Variants in DEFB112 observed in about 807,000 individuals in gnomAD.
DEFB112 encodes defensin beta 112.
Under a neutral mutation model 1.1 loss-of-function variants are expected in DEFB112, and 2 were observed. The ratio of observed to expected loss-of-function variants is 1.85; its 90% CI spans 0.76 to 5.83. DEFB112 has a LOEUF of 5.83. DEFB112 is among the 30% of genes most tolerant of loss of function. The pLI, the probability that DEFB112 is intolerant of heterozygous loss-of-function variation, is 0.05. For synonymous variants in DEFB112, 40 were observed against 31.2 expected, an observed-to-expected ratio of 1.28 and a Z score of -0.93; for missense variants, 120 against 94.4, an observed-to-expected ratio of 1.27 and a Z score of -1.12.
chr6:50,046,617 A>G (rs1316504962), intron 1 of DEFB112, among the ~76,000 whole-genome samples: 5 of 152,094 alleles, frequency 3.3e-5, no homozygotes, highest in Non-Finnish European at 5.9e-5. Flanking sequence ...CACTCTTTCA[A>G]GTGGCTTAGG....
chr6:50,045,544 T>C (rs543670668), intron 1 of DEFB112, among the ~76,000 whole-genome samples: 34 of 152,220 alleles, frequency 2.2e-4, no homozygotes, highest in African/African-American at 8.2e-4. Context: ...TACACACAAA[T>C]ATATATATAC....
chr6:50,044,714 T>G (rs1278601817), intron 1 of DEFB112, among the ~76,000 whole-genome samples: 1 of 152,016 alleles, frequency 6.6e-6, no homozygotes, highest in Non-Finnish European at 1.5e-5. Flanking sequence ...TAATAAAAAT[T>G]CTGGAGGAGA....
intron 1 of DEFB112, among the ~76,000 whole-genome samples, chr6:50,047,379 C>T (rs778478241): frequency 1.3e-5 from 2 of 152,180 alleles, no homozygotes; most frequent in African/African-American, 2.4e-5. Flanking sequence ...ATGGTCATTT[C>T]CCTCTCTTTC....
rs1385009069 is a variant in DEFB112 at position 50,042,188 on chromosome 6, G to A, written c.*1387C>T. 6.6e-6 allele frequency among the ~76,000 whole-genome samples: 1 copy of A among 151,988 alleles called. No individual in the cohort carries two copies. Among genetic ancestry groups the A allele is most frequent in the Non-Finnish European group, 1.5e-5 (1 of 67,948 alleles). ...ATAGGTATACTGTGAGACCCCTGAA[G>A]TGGGGTTCAGAGTTTGGATCATAAA... On this transcript the variant is annotated 3_prime_UTR_variant, in exon 2 of 2. Coordinates refer to ENST00000651554, the MANE Select transcript of DEFB112 (RefSeq NM_001369057.2).
rs2113955873 is a variant in DEFB112, at chr6:50,042,948, A to T, written c.*627T>A. On this transcript the variant is annotated 3_prime_UTR_variant, in exon 2 of 2. Transcript: ENST00000651554. ...AAAGCAAAACAAAACAAAAAAGTTA[A>T]TCATAATTTCACATTATCGTTATTG... 6.6e-6 allele frequency among the ~76,000 whole-genome samples: 1 copy of T among 152,210 alleles called. No individual in the cohort carries two copies. The highest frequency in any genetic ancestry group is 1.9e-4 in the East Asian group (1 of 5,178).
At chr6:50,049,524 T>C (rs907936863) in intron 1 of DEFB112, among the ~76,000 whole-genome samples, 1 of 152,094 alleles carries the variant, frequency 6.6e-6, no homozygotes, top group Non-Finnish European at 1.5e-5. Flanking sequence ...AATACACATT[T>C]CATGGATCTG....
At chr6:50,046,221 C>CTGTG (rs3057286) in intron 1 of DEFB112, among the ~76,000 whole-genome samples, 57,129 of 140,934 alleles carry the variant, frequency 0.41, 11,712 homozygotes, top group East Asian at 0.52. Flanking sequence ...TTGAGGAGCA[C>CTGTG]TGTGTGTGTG....
chr6:50,047,460 A>G (rs1200526925), intron 1 of DEFB112, among the ~76,000 whole-genome samples: 3 of 152,130 alleles, frequency 2.0e-5, no homozygotes, highest in African/African-American at 7.2e-5. Flanking sequence ...GAGCAATGTG[A>G]CACTATCTTT....
chr6:50,048,406 T>C (rs898182192), intron 1 of DEFB112: 90 of 784,926 alleles, frequency 1.1e-4, no homozygotes, highest in South Asian at 6.8e-4. Flanking sequence ...CATAAAGCTA[T>C]GAGGTGAAAG....
chr6:50,044,741 A>G (rs1240454970), intron 1 of DEFB112, among the ~76,000 whole-genome samples: 1 of 152,090 alleles, frequency 6.6e-6, no homozygotes. Flanking sequence ...TAGGAAGTAC[A>G]TATCTACCAT....
intron 1 of DEFB112, among the ~76,000 whole-genome samples, chr6:50,045,987 T>C (rs1387240694): frequency 1.3e-5 from 2 of 152,160 alleles, no homozygotes; most frequent in East Asian, 1.9e-4. Flanking sequence ...ATGCTTTTAG[T>C]ACATTATCAA....
rs932941623 is a variant in DEFB112 at position 50,042,577 on chromosome 6, G to A, written c.*998C>T. Among the ~76,000 whole-genome samples, 3 of 151,988 alleles carry A rather than the reference G, an allele frequency of 2.0e-5. No individual in the cohort carries two copies. The highest frequency in any genetic ancestry group is 2.9e-5 in the Non-Finnish European group (2 of 67,916). Reference sequence around the variant, plus strand: ...ACAAAGCCTAGAGGACATTCTTTAAGTAATACTTAGCACATACCAAGCCCT... The same window carrying A: ...ACAAAGCCTAGAGGACATTCTTTAAATAATACTTAGCACATACCAAGCCCT... On this transcript the variant is annotated 3_prime_UTR_variant, in exon 2 of 2. Coordinates refer to ENST00000651554, the MANE Select transcript of DEFB112 (RefSeq NM_001369057.2).
At chr6:50,047,953 C>T (rs1042448187) in intron 1 of DEFB112, among the ~76,000 whole-genome samples, 7 of 151,988 alleles carry the variant, frequency 4.6e-5, no homozygotes, top group African/African-American at 1.2e-4. Flanking sequence ...CGCTACCAGC[C>T]TAGCCAACAT....
chr6:50,043,644 G>T lies in DEFB112; in HGVS notation c.216C>A (p.Asp72Glu). Residue 72 changes from aspartate to glutamate, a missense_variant, in exon 2 of 2, where the codon GAC becomes GAA. Transcript: ENST00000651554. Reference sequence around the variant, plus strand: ...AGTCCTTTGGGATCCAATTATTTGGGTCCGTAGGGTCACATTCTGTCACGC... The same window carrying T: ...AGTCCTTTGGGATCCAATTATTTGGTTCCGTAGGGTCACATTCTGTCACGC... ...HCCVTECDPT[D>E]PNNWIPKDSV... 1 of 1,613,478 alleles carries T rather than the reference G, an allele frequency of 6.2e-7. No individual in the cohort carries two copies. Among genetic ancestry groups the T allele is most frequent in the African/African-American group, 1.3e-5 (1 of 74,980 alleles).
chr6:50,042,237 G>C lies in DEFB112; in HGVS notation c.*1338C>G, dbSNP rs1234303327. 6.6e-6 allele frequency among the ~76,000 whole-genome samples: 1 copy of C among 151,832 alleles called. No individual in the cohort carries two copies. Among genetic ancestry groups the C allele is most frequent in the Non-Finnish European group, 1.5e-5 (1 of 67,904 alleles). ...AACCAAAATCACAAGATGCAAATAG[G>C]GTTATTTAGCTCCAAATTGACACTG... On this transcript the variant is annotated 3_prime_UTR_variant, in exon 2 of 2. Transcript: ENST00000651554.
chr6:50,046,009 G>A (rs1428867257), intron 1 of DEFB112, among the ~76,000 whole-genome samples: 2 of 151,962 alleles, frequency 1.3e-5, no homozygotes, highest in African/African-American at 4.8e-5. Context: ...CACATTCCAT[G>A]ATATATTCAA....
intron 1 of DEFB112, among the ~76,000 whole-genome samples, chr6:50,048,079 G>A (rs751822672): frequency 2.0e-5 from 3 of 151,782 alleles, no homozygotes; most frequent in East Asian, 1.9e-4. Context: ...CCCGGGAGAC[G>A]GTGGTTGCAG....
intron 1 of DEFB112, among the ~76,000 whole-genome samples, chr6:50,046,542 C>T (rs921765715): frequency 1.4e-4 from 21 of 151,890 alleles, no homozygotes; most frequent in Non-Finnish European, 5.9e-5. Flanking sequence ...GGTAGTTTAT[C>T]GTGGTTTAAA....
intron 1 of DEFB112, among the ~76,000 whole-genome samples, chr6:50,045,930 G>A (rs901339970): frequency 8.6e-5 from 13 of 152,018 alleles, no homozygotes; most frequent in East Asian, 3.9e-4. Context: ...AAAGACATAC[G>A]TTCAGTGGAT....
Sources: allele counts gnomAD v4.1 joint callset (sites outside exome capture counted in the v4.1 genomes callset), GRCh38; gene constraint gnomAD v4.1.1; transcripts MANE v1.5; gene names NCBI Gene and HGNC (gene_info 2026-07-23, HGNC 2026-07-21).